Variants in MGST2 observed in about 807,000 individuals in gnomAD.
The protein encoded by MGST2 is glutathione peroxidase MGST2.
MGST2 carries 9 observed loss-of-function variants against 16.6 expected under a neutral mutation model. The ratio of observed to expected loss-of-function variants is 0.54; its 90% CI spans 0.33 to 0.95. The LOEUF (loss-of-function observed/expected upper bound fraction) is 0.95, where lower values mean the gene tolerates loss of function less well. Ranked by LOEUF, MGST2 falls within the 40% of genes least tolerant of loss-of-function variation. MGST2 has a pLI of 0.03. For synonymous variants in MGST2, 79 were observed against 68.0 expected (o/e 1.16, Z -0.79); for missense variants, 159 against 175.1 (o/e 0.91, Z 0.52).
chr4:139,691,687 TGATGATG>T (rs1560747866), intron 2 of MGST2, among the ~76,000 whole-genome samples: 10 of 146,994 alleles, frequency 6.8e-5, no homozygotes, highest in African/African-American at 2.0e-4. Flanking sequence ...ATGATGATGA[TGATGATG>T]ATGATTATTA....
At chr4:139,739,129 G>C (rs917504963) in intron 5 of MGST2, among the ~76,000 whole-genome samples, 25 of 152,334 alleles carry the variant, frequency 1.6e-4, no homozygotes, top group African/African-American at 6.0e-4. Context: ...TGACTAATTG[G>C]CTGGGATGAA....
intron 1 of MGST2, among the ~76,000 whole-genome samples, chr4:139,670,012 G>A (rs2110787841): frequency 6.6e-6 from 1 of 152,246 alleles, no homozygotes; most frequent in East Asian, 1.9e-4. Context: ...GCATTCCTCG[G>A]TCTTCTTTTC....
chr4:139,678,520 G>T, intron 1 of MGST2, 23 bp from the exon 2 acceptor site: 3 of 1,590,078 alleles, frequency 1.9e-6, no homozygotes, highest in East Asian at 2.2e-5. Context: ...CATCTTTAAC[G>T]CAACATTTCC....
At chr4:139,721,900 T>C (rs902110270) in intron 5 of MGST2, among the ~76,000 whole-genome samples, 2 of 152,220 alleles carry the variant, frequency 1.3e-5, no homozygotes, top group African/African-American at 4.8e-5. Flanking sequence ...ACTAAATTTT[T>C]ATCGGCTGCA....
At position 139,735,842 on chromosome 4, in the gene MGST2, G is replaced by A. The variant is rs1299078934; in HGVS notation, c.*49-4370G>A. Among the ~76,000 whole-genome samples, 2 of 151,990 alleles carry A rather than the reference G, an allele frequency of 1.3e-5. No homozygotes were observed. The highest frequency in any genetic ancestry group is 2.9e-5 in the Non-Finnish European group (2 of 67,968). On this transcript the variant is annotated intron_variant, in intron 5 of 5. Transcript: ENST00000616265. The surrounding 1 kb of genome is among the most constrained non-coding windows in gnomAD (Gnocchi z 5.8). Reference sequence around the variant, plus strand: ...ACAAAGAAGCCCACGAGGCGGTCCCGGGCGCGGGCAGGGGCGGTGCGGCGG... The same window carrying A: ...ACAAAGAAGCCCACGAGGCGGTCCCAGGCGCGGGCAGGGGCGGTGCGGCGG...
At chr4:139,706,573 C>T (rs535843619), downstream of MGST2, among the ~76,000 whole-genome samples, 2 of 152,238 alleles carry the variant, frequency 1.3e-5, no homozygotes, top group South Asian at 4.1e-4. Flanking sequence ...TACTTCATAA[C>T]CATGTCCTTT....
chr4:139,736,458 G>A (rs1315231733), intron 5 of MGST2, among the ~76,000 whole-genome samples: 1 of 152,174 alleles, frequency 6.6e-6, no homozygotes, highest in African/African-American at 2.4e-5. Context: ...ACTCCCAGAG[G>A]TTCAGGCAAG....
At chr4:139,668,353 C>A (rs1182501255) in intron 1 of MGST2, among the ~76,000 whole-genome samples, 11 of 152,136 alleles carry the variant, frequency 7.2e-5, no homozygotes, top group Non-Finnish European at 1.3e-4. Context: ...AGAGAAAAGA[C>A]CTGGCAAGGG....
intron 5 of MGST2, chr4:139,719,513 G>A: frequency 2.5e-6 from 4 of 1,613,888 alleles, no homozygotes; most frequent in South Asian, 1.1e-5. Context: ...GCTGCTTGGA[G>A]CAAAGCTGCC....
At chr4:139,718,471 AG>A (rs1043912981) in intron 5 of MGST2, 1 of 152,302 alleles carries the variant, frequency 6.6e-6, no homozygotes, top group Non-Finnish European at 1.5e-5. Context: ...AGGGTCCAGT[AG>A]GGGTTTCCCT....
chr4:139,738,292 C>T (rs13132273), intron 5 of MGST2, among the ~76,000 whole-genome samples: 60,158 of 152,168 alleles, frequency 0.4, 13,066 homozygotes, highest in Middle Eastern at 0.54. Context: ...GCCTGTAATC[C>T]CAGCACTTTG....
At chr4:139,701,292 T>C (rs1036435858) in intron 3 of MGST2, among the ~76,000 whole-genome samples, 9 of 152,136 alleles carry the variant, frequency 5.9e-5, no homozygotes, top group African/African-American at 2.2e-4. Flanking sequence ...TCATTGGCTT[T>C]CTGGGAGTAA....
chr4:139,683,008 G>C (rs1362126406), intron 2 of MGST2, among the ~76,000 whole-genome samples: 1 of 152,190 alleles, frequency 6.6e-6, no homozygotes, highest in Non-Finnish European at 1.5e-5. Context: ...AACTTCCTGT[G>C]GCTCCACCCT....
downstream of MGST2, among the ~76,000 whole-genome samples, chr4:139,707,381 T>C (rs1361858459): frequency 0.024 from 2,517 of 106,766 alleles, no homozygotes; most frequent in African/African-American, 0.027. Flanking sequence ...GGACATGAAC[T>C]CTTCATTTTT....
chr4:139,731,434 CT>C (rs1728707979), intron 5 of MGST2: 1 of 22,414 alleles, frequency 4.5e-5, no homozygotes, highest in African/African-American at 2.6e-4. Context: ...CCTGTCTCTA[CT>C]AAAAAAAAAA....
chr4:139,698,429 G>A lies in MGST2; in HGVS notation c.229+3162G>A, dbSNP rs960370930. Reference sequence around the variant, plus strand: ...CACGGAGCGCCACAGTACCAGGCCTGTAACGATGAGGTTTCTTCACCCCTC... The same window carrying A: ...CACGGAGCGCCACAGTACCAGGCCTATAACGATGAGGTTTCTTCACCCCTC... On this transcript the variant is annotated intron_variant, in intron 3 of 4. Coordinates refer to ENST00000265498, the MANE Select transcript of MGST2 (RefSeq NM_002413.5). The A allele has an allele frequency of 1.1e-5, 14 of 1,312,834 alleles. No homozygotes were observed. In the African/African-American group the frequency reaches 1.9e-4, roughly 18 times the overall value. 81.3% of individuals were successfully genotyped at this position (1,312,834 alleles called of 1,614,324 possible). A position where few individuals can be genotyped will look rare whatever the true frequency, so the allele number is the denominator to read the frequency against.
chr4:139,729,156 C>CAAAAA (rs4057275), intron 5 of MGST2, among the ~76,000 whole-genome samples: 44 of 81,692 alleles, frequency 5.4e-4, no homozygotes, highest in Non-Finnish European at 6.9e-4. Flanking sequence ...GGAACAAAAG[C>CAAAAA]AAAAAAAAAA....
chr4:139,679,037 G>A (rs930555736), intron 2 of MGST2: 1 of 205,980 alleles, frequency 4.9e-6, no homozygotes, highest in Non-Finnish European at 9.9e-6. Flanking sequence ...AGGTAGATCA[G>A]GATTAATCTT....
chr4:139,700,248 C>A (rs1727173656), intron 3 of MGST2, among the ~76,000 whole-genome samples: 1 of 150,234 alleles, frequency 6.7e-6, no homozygotes, highest in South Asian at 2.1e-4. Context: ...TCTCCTGCCT[C>A]AGCCTCCGGA....
Sources: allele counts gnomAD v4.1 joint callset (sites outside exome capture counted in the v4.1 genomes callset), GRCh38; gene constraint gnomAD v4.1.1; non-coding constraint Gnocchi (gnomAD v3.1); transcripts MANE v1.5; gene names NCBI Gene and HGNC (gene_info 2026-07-23, HGNC 2026-07-21).